Variants in HHAT observed in about 807,000 individuals in gnomAD.
HHAT encodes hedgehog acyltransferase.
Under a neutral mutation model 70.8 loss-of-function variants are expected in HHAT, and 47 were observed. That is an observed-to-expected ratio of 0.66 (90% CI 0.53 to 0.85). The LOEUF (loss-of-function observed/expected upper bound fraction) is 0.85. Among genes scored for constraint, HHAT ranks in the 40% least tolerant of loss-of-function variants. The pLI is 0.00. For missense variants in HHAT, 609 were observed against 604.8 expected (o/e 1.01, Z -0.07); for synonymous variants, 228 against 247.6 (o/e 0.92, Z 0.74).
At chr1:210,486,608 A>G (rs1402236538) in intron 8 of HHAT, among the ~76,000 whole-genome samples, 2 of 152,190 alleles carry the variant, frequency 1.3e-5, no homozygotes, top group Non-Finnish European at 2.9e-5. Context: ...GGGGAAGCAC[A>G]GTGTTTCCTA....
At chr1:210,548,183 A>G (rs925903808) in intron 9 of HHAT, among the ~76,000 whole-genome samples, 4 of 152,184 alleles carry the variant, frequency 2.6e-5, no homozygotes, top group African/African-American at 9.7e-5. Flanking sequence ...AGGCAGAGGA[A>G]AATTGGGGAA....
chr1:210,393,873 C>T (rs1169028337), intron 4 of HHAT, among the ~76,000 whole-genome samples: 7 of 152,148 alleles, frequency 4.6e-5, no homozygotes, highest in Non-Finnish European at 1.0e-4. Context: ...TCTGAGTTTG[C>T]TTGGCCCTTA....
chr1:210,651,618 G>A (rs1675177604), intron 11 of HHAT, among the ~76,000 whole-genome samples: 1 of 152,222 alleles, frequency 6.6e-6, no homozygotes. Context: ...GAGGTTGAGA[G>A]TGTCGGTAGA....
chr1:210,660,385 C>A (rs1448830199), intron 11 of HHAT, among the ~76,000 whole-genome samples: 1 of 152,134 alleles, frequency 6.6e-6, no homozygotes, highest in African/African-American at 2.4e-5. Flanking sequence ...TCAAGGAGAA[C>A]TACAAACCAC....
intron 7 of HHAT, among the ~76,000 whole-genome samples, chr1:210,458,816 C>T (rs1297632130): frequency 6.6e-6 from 1 of 152,126 alleles, no homozygotes; most frequent in African/African-American, 2.4e-5. Flanking sequence ...TGATCAGCCA[C>T]ATGGGATCCA....
intron 1 of HHAT, among the ~76,000 whole-genome samples, 170 bp from the exon 2 acceptor site, chr1:210,348,763 T>TGTGTGTGTGTG (rs1387038130): frequency 5.4e-5 from 3 of 55,822 alleles, no homozygotes; most frequent in African/African-American, 2.0e-4. Context: ...GTGTGTGTGT[T>TGTGTGTGTGTG]GGATGCAGGA....
At chr1:210,626,791 G>T (rs536113538) in intron 11 of HHAT, among the ~76,000 whole-genome samples, 11 of 152,084 alleles carry the variant, frequency 7.2e-5, no homozygotes, top group Non-Finnish European at 1.5e-4. Flanking sequence ...CTCTGCTGGG[G>T]GTGTTCATAT....
chr1:210,573,850 G>A (rs1656961366), intron 9 of HHAT, among the ~76,000 whole-genome samples: 1 of 152,194 alleles, frequency 6.6e-6, no homozygotes, highest in South Asian at 2.1e-4. Context: ...ACAGTTTCTA[G>A]CTGGAGAATC....
At chr1:210,400,925 G>GC (rs1360912031) in intron 5 of HHAT, among the ~76,000 whole-genome samples, 2 of 152,226 alleles carry the variant, frequency 1.3e-5, no homozygotes, top group Non-Finnish European at 2.9e-5. Flanking sequence ...CATGTGGGGT[G>GC]CCAGATGTCA....
At chr1:210,340,255 A>G (rs1400853719) in intron 1 of HHAT, among the ~76,000 whole-genome samples, 14 of 150,290 alleles carry the variant, frequency 9.3e-5, no homozygotes, top group South Asian at 4.2e-4. Flanking sequence ...AAAAAAAAAA[A>G]AAAAAAAAAA....
intron 9 of HHAT, among the ~76,000 whole-genome samples, chr1:210,522,793 G>T (rs2095179922): frequency 6.7e-6 from 1 of 150,336 alleles, no homozygotes; most frequent in African/African-American, 2.5e-5. Context: ...CTATACCTCT[G>T]GAATCAGAGT....
chr1:210,586,797 C>T (rs935889086), intron 9 of HHAT, among the ~76,000 whole-genome samples: 1 of 152,154 alleles, frequency 6.6e-6, no homozygotes, highest in Non-Finnish European at 1.5e-5. Flanking sequence ...CCTAGCTTTC[C>T]AGGTCCTAAC....
chr1:210,388,463 C>T (rs2091237719), intron 4 of HHAT, among the ~76,000 whole-genome samples: 1 of 152,118 alleles, frequency 6.6e-6, no homozygotes, highest in African/African-American at 2.4e-5. Flanking sequence ...TGACTCTTTC[C>T]TGAAAATTGG....
At chr1:210,423,043 T>A (rs566944517) in intron 7 of HHAT, among the ~76,000 whole-genome samples, 8 of 152,200 alleles carry the variant, frequency 5.3e-5, no homozygotes, top group Non-Finnish European at 1.2e-4. Flanking sequence ...GGTATAGATG[T>A]CTCTTGAATA....
intron 11 of HHAT, among the ~76,000 whole-genome samples, chr1:210,638,722 C>CAAAAA (rs71146238): frequency 2.1e-5 from 2 of 95,278 alleles, no homozygotes; most frequent in Admixed American, 1.2e-4. Context: ...CCTGTATTTA[C>CAAAAA]AAAAAAAAAA....
intron 1 of HHAT, among the ~76,000 whole-genome samples, chr1:210,329,918 G>A (rs2084839488): frequency 6.6e-6 from 1 of 152,130 alleles, no homozygotes; most frequent in Non-Finnish European, 1.5e-5. Flanking sequence ...ACCTAATTTT[G>A]TATTTTTAGT....
chr1:210,417,312 A>C (rs2092751670), intron 6 of HHAT, among the ~76,000 whole-genome samples: 1 of 152,132 alleles, frequency 6.6e-6, no homozygotes, highest in African/African-American at 2.4e-5. Context: ...GGCTCACTGC[A>C]ACCTCCGCCT....
At position 210,676,068 on chromosome 1, in the gene HHAT, T is replaced by C. The variant is rs1204705475; in HGVS notation, c.*1689T>C. 1.3e-5 allele frequency: 2 copies of C among 152,122 alleles called. No individual in the cohort carries two copies. Among genetic ancestry groups the C allele is most frequent in the African/African-American group, 4.8e-5 (2 of 41,410 alleles). 9.4% of individuals were successfully genotyped at this position (152,122 alleles called of 1,614,324 possible). A position where few individuals can be genotyped will look rare whatever the true frequency, so the allele number is the denominator to read the frequency against. On this transcript the variant is annotated 3_prime_UTR_variant, in exon 12 of 12. Coordinates refer to ENST00000261458, the MANE Select transcript of HHAT (RefSeq NM_018194.6). Reference sequence around the variant, plus strand: ...TTGCTAAGAAAAAAGGGAGTAAAAATGATGATAGGGAAGTGTCTAATGTAT... The same window carrying C: ...TTGCTAAGAAAAAAGGGAGTAAAAACGATGATAGGGAAGTGTCTAATGTAT...
intron 2 of HHAT, among the ~76,000 whole-genome samples, chr1:210,355,557 C>T (rs1439204144): frequency 6.6e-6 from 1 of 152,192 alleles, no homozygotes; most frequent in Non-Finnish European, 1.5e-5. Flanking sequence ...CTATTACAAA[C>T]CTACCGTGAC....
Sources: allele counts gnomAD v4.1 joint callset (sites outside exome capture counted in the v4.1 genomes callset), GRCh38; gene constraint gnomAD v4.1.1; transcripts MANE v1.5; gene names NCBI Gene and HGNC (gene_info 2026-07-23, HGNC 2026-07-21).